The following TUBGCP3 variants were observed in gnomAD, a reference collection of about 807,000 sequenced individuals.
TUBGCP3 encodes the protein gamma-tubulin complex component 3.
In TUBGCP3, 50 loss-of-function variants were observed where a neutral mutation model predicts 123.1. That is an observed-to-expected ratio of 0.41 (90% confidence interval 0.32 to 0.51). TUBGCP3 has a LOEUF of 0.51. Among genes scored for constraint, TUBGCP3 ranks in the 20% least tolerant of loss-of-function variants. The pLI is 0.36. For synonymous variants in TUBGCP3, 405 were observed against 413.9 expected (o/e 0.98, Z 0.26); for missense variants, 882 against 1,127.0 (o/e 0.78, Z 3.11).
At chr13:112,590,543 A>G (rs1882865717), upstream of TUBGCP3, among the ~76,000 whole-genome samples, 2 of 151,946 alleles carry the variant, frequency 1.3e-5, no homozygotes, top group Admixed American at 6.6e-5. Flanking sequence ...CATCCTAGTG[A>G]TGGTTTGTGT....
intron 20 of TUBGCP3, among the ~76,000 whole-genome samples, chr13:112,495,347 T>G (rs778002726): frequency 5.3e-5 from 8 of 152,246 alleles, no homozygotes; most frequent in Non-Finnish European, 7.3e-5. Flanking sequence ...CTCGTAGCCC[T>G]GGCTGGGACC....
the TUBGCP3 span, among the ~76,000 whole-genome samples, chr13:112,599,851 A>G: frequency 6.6e-6 from 1 of 151,704 alleles, no homozygotes; most frequent in East Asian, 1.9e-4. Flanking sequence ...TTTAGATTTT[A>G]TACCATTTTT....
At chr13:112,565,676 T>C (rs946610003) in intron 2 of TUBGCP3, among the ~76,000 whole-genome samples, 4 of 152,238 alleles carry the variant, frequency 2.6e-5, no homozygotes, top group Non-Finnish European at 4.4e-5. Context: ...GGCTCACGCC[T>C]GTAATCCCAG....
In TUBGCP3 at chr13:112,569,255, A is replaced by C; in HGVS notation, c.81T>G (p.Asp27Glu). 1 of 1,614,104 alleles carries C rather than the reference A, an allele frequency of 6.2e-7. No individual in the cohort carries two copies. Among genetic ancestry groups the C allele is most frequent in the African/African-American group, 1.3e-5 (1 of 75,050 alleles). ...CAGCATACTGGAACTGCTGGGCTAC[A>C]TCAGCTGAAAGACAAACAAAAGGAT... ...CCRILGRSEADVAQQFQYAVR... is the reference protein window; with the variant it reads ...CCRILGRSEAEVAQQFQYAVR... Residue 27 changes from aspartate (D) to glutamate (E), a missense_variant, in exon 2 of 22, where the codon GAT (aspartate) becomes GAG (glutamate). Asp to Glu is a conservative substitution (Grantham distance 45). Coordinates refer to ENST00000261965, the MANE Select transcript of TUBGCP3 (RefSeq NM_006322.6).
At chr13:112,492,083 C>T (rs1221798426) in intron 20 of TUBGCP3, among the ~76,000 whole-genome samples, 3 of 152,190 alleles carry the variant, frequency 2.0e-5, no homozygotes, top group Non-Finnish European at 4.4e-5. Flanking sequence ...ACCTTTATAC[C>T]TTCACTTCAT....
At chr13:112,553,836 TAC>T (rs1879801877) in intron 8 of TUBGCP3, among the ~76,000 whole-genome samples, 1 of 152,224 alleles carries the variant, frequency 6.6e-6, no homozygotes, top group Non-Finnish European at 1.5e-5. Flanking sequence ...CTCTGTATTT[TAC>T]AGTCCTCCAG....
intron 11 of TUBGCP3, among the ~76,000 whole-genome samples, chr13:112,535,609 C>T (rs1367834771): frequency 6.6e-6 from 1 of 152,054 alleles, no homozygotes; most frequent in Non-Finnish European, 1.5e-5. Context: ...CTTCTCAAAC[C>T]CTTTTTAAAC....
chr13:112,521,248 TC>T (rs2139066132), intron 14 of TUBGCP3, among the ~76,000 whole-genome samples: 1 of 152,376 alleles, frequency 6.6e-6, no homozygotes, highest in East Asian at 1.9e-4. Context: ...TAGTGAACTT[TC>T]TTTTCTTACA....
At position 112,485,067 on chromosome 13, in the gene TUBGCP3, T is replaced by C. The variant is rs941707223; in HGVS notation, c.*926A>G. 6.6e-6 allele frequency: 1 copy of C among 152,610 alleles called. No homozygotes were observed. 9.5% of individuals were successfully genotyped at this position (152,610 alleles called of 1,614,324 possible). A position where few individuals can be genotyped will look rare whatever the true frequency, so the allele number is the denominator to read the frequency against. On this transcript the variant is annotated 3_prime_UTR_variant, in exon 22 of 22. Transcript: ENST00000261965. ...TTCACTTATGCAACATAAAGGCAGATTTATGTGACCTGATAATGACATTTT... is the reference window on the plus strand; with the variant it reads ...TTCACTTATGCAACATAAAGGCAGACTTATGTGACCTGATAATGACATTTT...
intron 1 of TUBGCP3, among the ~76,000 whole-genome samples, chr13:112,573,415 G>A (rs1239115590): frequency 6.6e-6 from 1 of 152,012 alleles, no homozygotes; most frequent in East Asian, 1.9e-4. Flanking sequence ...AAGTGGGGAG[G>A]GAGAAACCTG....
At chr13:112,520,277 C>T (rs1051403771) in intron 14 of TUBGCP3, among the ~76,000 whole-genome samples, 1 of 152,064 alleles carries the variant, frequency 6.6e-6, no homozygotes, top group Non-Finnish European at 1.5e-5. Context: ...GCTTGTAATC[C>T]CAGCACTTTG....
chr13:112,597,686 G>A, the TUBGCP3 span, among the ~76,000 whole-genome samples: 17,556 of 151,876 alleles, frequency 0.12, 2,403 homozygotes, highest in African/African-American at 0.32. Flanking sequence ...AAAAATCAAC[G>A]TGTGACCTTA....
At chr13:112,569,401 T>C (rs1881229087) in intron 1 of TUBGCP3, 142 bp from the exon 2 acceptor site, 1 of 637,984 alleles carries the variant, frequency 1.6e-6, no homozygotes, top group Non-Finnish European at 2.7e-6. Context: ...ACAGAAAAGC[T>C]ATTAAGATAT....
At chr13:112,600,754 A>G in the TUBGCP3 span, among the ~76,000 whole-genome samples, 4 of 151,924 alleles carry the variant, frequency 2.6e-5, no homozygotes, top group Middle Eastern at 3.4e-3. Flanking sequence ...AGAAGCCACT[A>G]CTCGCCTCTT....
At chr13:112,554,864 A>G in intron 7 of TUBGCP3, 23 bp downstream of exon 7, 1 of 1,505,920 alleles carries the variant, frequency 6.6e-7, no homozygotes, top group Non-Finnish European at 9.1e-7. Flanking sequence ...GAATATTTTA[A>G]CTTAGATTTT....
rs576219376 is a variant in TUBGCP3, at chr13:112,549,939, A to G, written c.967-1763T>C. Among the ~76,000 whole-genome samples, 7 of 150,512 alleles carry G rather than the reference A, an allele frequency of 4.7e-5. No homozygotes were observed. The South Asian group carries it at 6.4e-4, about 14-fold the overall frequency. On this transcript the variant is annotated intron_variant, in intron 8 of 21. Transcript: ENST00000261965. Reference sequence around the variant, plus strand: ...CAGGAGGCGGGGCTTGCAGTGAGCCAAGATCACAACACTGCACTTCAGCCT... The same window carrying G: ...CAGGAGGCGGGGCTTGCAGTGAGCCGAGATCACAACACTGCACTTCAGCCT...
At chr13:112,515,535 C>T (rs1406126114) in intron 17 of TUBGCP3, among the ~76,000 whole-genome samples, 1 of 152,222 alleles carries the variant, frequency 6.6e-6, no homozygotes, top group Non-Finnish European at 1.5e-5. Flanking sequence ...GCATGCAGCC[C>T]TCTCAGCACG....
intron 11 of TUBGCP3, among the ~76,000 whole-genome samples, chr13:112,534,484 T>C (rs1281182855): frequency 6.6e-6 from 1 of 151,926 alleles, no homozygotes; most frequent in Non-Finnish European, 1.5e-5. Context: ...GAGGTGGAGC[T>C]TGCAGTGAGT....
Position 112,556,230 on chromosome 13 carries a change from A to G in TUBGCP3, c.549-6T>C, listed in dbSNP as rs754979591. 6.2e-7 allele frequency: 1 copy of G among 1,610,752 alleles called. No individual in the cohort carries two copies. Among genetic ancestry groups the G allele is most frequent in the East Asian group, 2.2e-5 (1 of 44,744 alleles). On this transcript the variant is annotated splice_region_variant and splice_polypyrimidine_tract_variant and intron_variant, in intron 5 of 21. Coordinates refer to ENST00000261965, the MANE Select transcript of TUBGCP3 (RefSeq NM_006322.6). Reference sequence around the variant, plus strand: ...CTGGAGCTTGATTAGACTGTCTAAAAAAAGAAACATGTATTATCTTCTAAT... The same window carrying G: ...CTGGAGCTTGATTAGACTGTCTAAAGAAAGAAACATGTATTATCTTCTAAT...
Sources: allele counts gnomAD v4.1 joint callset (sites outside exome capture counted in the v4.1 genomes callset), GRCh38; gene constraint gnomAD v4.1.1; transcripts MANE v1.5; gene names NCBI Gene and HGNC (gene_info 2026-07-23, HGNC 2026-07-21).